SLAIN1: variants seen among roughly 807,000 people sequenced by gnomAD.
SLAIN1 encodes the protein SLAIN motif-containing protein 1.
A neutral mutation model predicts 55.4 loss-of-function variants in SLAIN1; 17 were observed. That is an observed-to-expected ratio of 0.31 (90% CI 0.21 to 0.46). The LOEUF is 0.46. Ranked by LOEUF, SLAIN1 falls within the 20% of genes least tolerant of loss-of-function variation. SLAIN1 has a pLI of 1.00. For missense variants in SLAIN1, 682 were observed against 785.1 expected, an observed-to-expected ratio of 0.87 and a Z score of 1.57; for synonymous variants, 348 against 337.4, an observed-to-expected ratio of 1.03 and a Z score of -0.35.
intron 3 of SLAIN1, among the ~76,000 whole-genome samples, chr13:77,745,291 A>G (rs1359418833): frequency 6.6e-6 from 1 of 152,058 alleles, no homozygotes; most frequent in Non-Finnish European, 1.5e-5. Flanking sequence ...AGTGGATTAT[A>G]TCACTGCCAA....
chr13:77,714,777 TGTGTA>T (rs1222510077), intron 1 of SLAIN1, among the ~76,000 whole-genome samples: 2 of 152,224 alleles, frequency 1.3e-5, no homozygotes, highest in African/African-American at 4.8e-5. Flanking sequence ...CCACAGTTAA[TGTGTA>T]GTGAACAGAT....
chr13:77,707,830 T>C lies in SLAIN1; in HGVS notation c.626+9291T>C, dbSNP rs555791412. On this transcript the variant is annotated intron_variant, in intron 1 of 6. Coordinates refer to ENST00000418532, the MANE Select transcript of SLAIN1 (RefSeq NM_001242868.2). Reference sequence around the variant, plus strand: ...TAAGGTACCTCATTTATCCTTCAGCTAAGTTTGGTGTGCCTGAAGTCAGGG... The same window carrying C: ...TAAGGTACCTCATTTATCCTTCAGCCAAGTTTGGTGTGCCTGAAGTCAGGG... Among the ~76,000 whole-genome samples the C allele has an allele frequency of 2.6e-5, 4 of 152,320 alleles. No homozygotes were observed. The South Asian group carries it at 8.3e-4, about 32-fold the overall frequency.
intron 4 of SLAIN1, among the ~76,000 whole-genome samples, chr13:77,751,698 G>A (rs1167493451): frequency 6.6e-6 from 1 of 152,180 alleles, no homozygotes; most frequent in Non-Finnish European, 1.5e-5. Context: ...GGGCCTTGAA[G>A]CCCTCATCTG....
At position 77,698,811 on chromosome 13, in the gene SLAIN1, G is replaced by A. The variant is rs2154409071; in HGVS notation, c.626+272G>A. The A allele has an allele frequency of 1.4e-6, 2 of 1,413,152 alleles. No individual in the cohort carries two copies. Among genetic ancestry groups the A allele is most frequent in the Middle Eastern group, 5.1e-4 (2 of 3,892 alleles). 87.5% of individuals were successfully genotyped at this position (1,413,152 alleles called of 1,614,324 possible). ...CCATCTGCCATGGGTTCTGCTATTT[G>A]CTGATTGTTGGGTCCCAAGCTCCTC... is the stretch of plus-strand genomic sequence containing the variant. On this transcript the variant is annotated intron_variant, in intron 1 of 6. Transcript: ENST00000418532. This position sits in a 1 kb window ranked among gnomAD's most constrained non-coding sequence, Gnocchi z 4.1.
Position 77,698,138 on chromosome 13 carries a change from G to A in SLAIN1, c.225G>A (p.Leu75=). Residue 75 remains leucine (L), a synonymous_variant, in exon 1 of 7, where the codon CTG becomes CTA. Coordinates refer to ENST00000418532, the MANE Select transcript of SLAIN1 (RefSeq NM_001242868.2). This position sits in a 1 kb window ranked among gnomAD's most constrained non-coding sequence, Gnocchi z 4.1. ...PPPAAPPPAG[L]QPLGPRSPPA... is the part of the protein sequence containing the mutation. Reference sequence around the variant, plus strand: ...CCGCCGCGCCGCCCCCCGCTGGCCTGCAGCCTTTGGGTCCTCGGAGCCCCC... The same window carrying A: ...CCGCCGCGCCGCCCCCCGCTGGCCTACAGCCTTTGGGTCCTCGGAGCCCCC... 2 of 996,870 alleles carry A rather than the reference G, an allele frequency of 2.0e-6. 1 individual carries two copies. Among genetic ancestry groups the A allele is most frequent in the Non-Finnish European group, 2.3e-6 (2 of 867,298 alleles). The allele number at this position is 996,870 out of a possible 1,614,324, so 61.8% of individuals were successfully genotyped here.
chr13:77,720,548 C>A (rs2091252169), intron 2 of SLAIN1, among the ~76,000 whole-genome samples: 1 of 152,154 alleles, frequency 6.6e-6, no homozygotes, highest in Non-Finnish European at 1.5e-5. Context: ...GGACATAAGA[C>A]AAAGCATTAT....
intron 1 of SLAIN1, among the ~76,000 whole-genome samples, chr13:77,710,178 C>A (rs2091133131): frequency 6.6e-6 from 1 of 152,076 alleles, no homozygotes; most frequent in African/African-American, 2.4e-5. Context: ...AACTAATGGG[C>A]AAAATAACCA....
intron 2 of SLAIN1, among the ~76,000 whole-genome samples, chr13:77,726,138 T>A (rs2154409863): frequency 6.6e-6 from 1 of 152,228 alleles, no homozygotes; most frequent in Admixed American, 6.5e-5. Flanking sequence ...AGAACAAGCT[T>A]ATTAGAATTC....
intron 4 of SLAIN1, among the ~76,000 whole-genome samples, chr13:77,752,889 C>A (rs931232885): frequency 6.6e-6 from 1 of 152,178 alleles, no homozygotes; most frequent in African/African-American, 2.4e-5. Flanking sequence ...GGGTCTACCC[C>A]TCCCAGTCCA....
At chr13:77,703,423 G>A (rs1292126271) in intron 1 of SLAIN1, among the ~76,000 whole-genome samples, 1 of 152,090 alleles carries the variant, frequency 6.6e-6, no homozygotes, top group Admixed American at 6.6e-5. Flanking sequence ...GATTTTCAGT[G>A]AAAAGACCAG....
chr13:77,727,739 T>C (rs759530615), intron 2 of SLAIN1, among the ~76,000 whole-genome samples: 24 of 152,192 alleles, frequency 1.6e-4, no homozygotes, highest in Non-Finnish European at 2.5e-4. Context: ...ATTGAGATGG[T>C]TGTCCTTATT....
intron 4 of SLAIN1, among the ~76,000 whole-genome samples, chr13:77,750,769 T>C (rs1251061624): frequency 6.6e-6 from 1 of 152,188 alleles, no homozygotes; most frequent in Non-Finnish European, 1.5e-5. Flanking sequence ...GAGAGGTAGA[T>C]ACTTCCAGCT....
intron 1 of SLAIN1, among the ~76,000 whole-genome samples, chr13:77,717,519 T>A (rs59148432): frequency 0.17 from 25,501 of 152,106 alleles, 2,531 homozygotes; most frequent in African/African-American, 0.29. Context: ...ACTTATTTGT[T>A]TGCCCATGTT....
intron 1 of SLAIN1, among the ~76,000 whole-genome samples, chr13:77,714,007 C>T (rs954659491): frequency 1.3e-5 from 2 of 151,592 alleles, no homozygotes; most frequent in Non-Finnish European, 2.9e-5. Context: ...GAACATCACA[C>T]ACCAGGGCCT....
intron 1 of SLAIN1, among the ~76,000 whole-genome samples, chr13:77,702,051 A>T (rs1427295716): frequency 6.7e-6 from 1 of 149,100 alleles, no homozygotes; most frequent in East Asian, 2.0e-4. Context: ...GTTTACTGAG[A>T]ATGATGATTT....
At position 77,723,799 on chromosome 13, in the gene SLAIN1, C is replaced by T. The variant is rs1019605700; in HGVS notation, c.766+4128C>T. Among the ~76,000 whole-genome samples, 14 of 152,056 alleles carry T rather than the reference C, an allele frequency of 9.2e-5. No individual in the cohort carries two copies. The East Asian group carries it at 9.6e-4, about 10-fold the overall frequency. On this transcript the variant is annotated intron_variant, in intron 2 of 6. Transcript: ENST00000418532. Reference sequence around the variant, plus strand: ...TTATTTCTTTGTATTCGTAGCCCTCCGCCCTTGTTTTCTCTATTCTTTCTA... The same window carrying T: ...TTATTTCTTTGTATTCGTAGCCCTCTGCCCTTGTTTTCTCTATTCTTTCTA...
chr13:77,762,452 G>A (rs1158555074), intron 6 of SLAIN1, among the ~76,000 whole-genome samples: 1 of 151,652 alleles, frequency 6.6e-6, no homozygotes, highest in Non-Finnish European at 1.5e-5. Context: ...TTGCTCTTTT[G>A]CCCAGGCTGG....
At chr13:77,712,232 GAGAA>G (rs1425790286) in intron 1 of SLAIN1, among the ~76,000 whole-genome samples, 1 of 152,144 alleles carries the variant, frequency 6.6e-6, no homozygotes, top group African/African-American at 2.4e-5. Context: ...AATCAGACAA[GAGAA>G]AGAAAGAAAT....
chr13:77,697,801 G>T lies in SLAIN1; in HGVS notation c.-113G>T. 1 of 1,107,464 alleles carries T rather than the reference G, an allele frequency of 9.0e-7. No individual in the cohort carries two copies. Among genetic ancestry groups the T allele is most frequent in the Non-Finnish European group, 1.1e-6 (1 of 893,886 alleles). The allele number at this position is 1,107,464 out of a possible 1,614,324, so 68.6% of individuals were successfully genotyped here. On this transcript the variant is annotated 5_prime_UTR_variant, in exon 1 of 7. Coordinates refer to ENST00000418532, the MANE Select transcript of SLAIN1 (RefSeq NM_001242868.2). ...GCCGGCTCGGCCTCAGCCCGCGCGTGGTCGGCCCCCCAGGCCGGGGCGACA... is the reference window on the plus strand; with the variant it reads ...GCCGGCTCGGCCTCAGCCCGCGCGTTGTCGGCCCCCCAGGCCGGGGCGACA...
Sources: gnomAD v4.1 joint callset for allele counts (sites outside exome capture counted in the v4.1 genomes callset) on GRCh38, gnomAD v4.1.1 for gene constraint, Gnocchi (gnomAD v3.1) non-coding constraint, MANE v1.5 for transcripts, NCBI Gene and HGNC (gene_info 2026-07-23, HGNC 2026-07-21) for gene names.